The following PRKAR2B variants were observed in gnomAD, a reference collection of about 807,000 sequenced individuals.
The protein encoded by PRKAR2B is protein kinase cAMP-dependent type II regulatory subunit beta, also known as cAMP-dependent protein kinase type II-beta regulatory subunit.
Under a neutral mutation model 49.9 loss-of-function variants are expected in PRKAR2B, and 14 were observed. The ratio of observed to expected loss-of-function variants is 0.28; its 90% CI spans 0.19 to 0.44. The LOEUF (loss-of-function observed/expected upper bound fraction) is 0.44, where lower values mean the gene tolerates loss of function less well. Among genes scored for constraint, PRKAR2B ranks in the 20% least tolerant of loss-of-function variants. The pLI, the probability that PRKAR2B is intolerant of heterozygous loss-of-function variation, is 1.00. For missense variants in PRKAR2B, 393 were observed against 537.9 expected (o/e 0.73, Z 2.67); for synonymous variants, 196 against 197.7 (o/e 0.99, Z 0.07).
chr7:107,082,659 A>G (rs1794534716), intron 2 of PRKAR2B, among the ~76,000 whole-genome samples: 1 of 152,078 alleles, frequency 6.6e-6, no homozygotes, highest in South Asian at 2.1e-4. Flanking sequence ...GCAGCGGTGC[A>G]GTTGGCTCAC....
chr7:107,138,228 A>G (rs1795732954), intron 4 of PRKAR2B, among the ~76,000 whole-genome samples: 1 of 152,194 alleles, frequency 6.6e-6, no homozygotes, highest in Non-Finnish European at 1.5e-5. Context: ...ACCCTAATAT[A>G]AACTATGGAC....
At chr7:107,048,654 G>A (rs1793746424) in intron 1 of PRKAR2B, among the ~76,000 whole-genome samples, 1 of 152,160 alleles carries the variant, frequency 6.6e-6, no homozygotes, top group African/African-American at 2.4e-5. Flanking sequence ...GTCTGGCCAG[G>A]GGTCGGTGAT....
intron 1 of PRKAR2B, among the ~76,000 whole-genome samples, chr7:107,046,983 T>C (rs1366716291): frequency 6.6e-6 from 1 of 152,212 alleles, no homozygotes; most frequent in South Asian, 2.1e-4. Flanking sequence ...TTTCATTTTG[T>C]AGTGAAGAAA....
At chr7:107,088,541 A>G (rs1223946425) in intron 2 of PRKAR2B, among the ~76,000 whole-genome samples, 2 of 152,094 alleles carry the variant, frequency 1.3e-5, no homozygotes, top group Non-Finnish European at 2.9e-5. Flanking sequence ...CAAATATATC[A>G]ATCTATTTTT....
chr7:107,097,892 T>C (rs1203732980), intron 2 of PRKAR2B, among the ~76,000 whole-genome samples: 1 of 152,240 alleles, frequency 6.6e-6, no homozygotes, highest in Non-Finnish European at 1.5e-5. Flanking sequence ...GTTAGTCTGA[T>C]GGGCTTCCCT....
At chr7:107,157,845 G>T (rs257373) in intron 10 of PRKAR2B, among the ~76,000 whole-genome samples, 6 of 152,006 alleles carry the variant, frequency 3.9e-5, no homozygotes, top group Non-Finnish European at 8.8e-5. Context: ...TCAGGTGCAG[G>T]CATCTGTATA....
At chr7:107,055,419 A>G (rs1000891327) in intron 1 of PRKAR2B, among the ~76,000 whole-genome samples, 16 of 152,252 alleles carry the variant, frequency 1.1e-4, no homozygotes, top group African/African-American at 3.6e-4. Flanking sequence ...ACTAGCTTAC[A>G]GTCCCACCAA....
intron 10 of PRKAR2B, 110 bp from the exon 11 acceptor site, chr7:107,159,339 T>G (rs1302532896): frequency 9.1e-7 from 1 of 1,101,610 alleles, no homozygotes; most frequent in African/African-American, 1.6e-5. Context: ...AGTATTTACC[T>G]AAAATATCAT....
chr7:107,141,803 G>A (rs936712702), intron 5 of PRKAR2B, among the ~76,000 whole-genome samples: 3 of 152,096 alleles, frequency 2.0e-5, no homozygotes, highest in Non-Finnish European at 2.9e-5. Flanking sequence ...GTCCACATAA[G>A]TAAGTAGTTT....
intron 1 of PRKAR2B, among the ~76,000 whole-genome samples, chr7:107,057,796 A>G (rs1249963059): frequency 1.3e-5 from 2 of 152,200 alleles, no homozygotes; most frequent in African/African-American, 4.8e-5. Context: ...CCAAAAGGAA[A>G]CAAACAAATA....
At chr7:107,112,663 C>T (rs1298421278) in intron 2 of PRKAR2B, among the ~76,000 whole-genome samples, 1 of 151,684 alleles carries the variant, frequency 6.6e-6, no homozygotes, top group East Asian at 1.9e-4. Context: ...GATGAGTTCC[C>T]CTTTACAAAA....
intron 2 of PRKAR2B, among the ~76,000 whole-genome samples, chr7:107,074,363 C>G (rs543484262): frequency 6.6e-6 from 1 of 152,154 alleles, no homozygotes; most frequent in South Asian, 2.1e-4. Context: ...CTTGGCCTCC[C>G]AAAGTGCTGG....
At chr7:107,058,928 A>G (rs1316505077) in intron 1 of PRKAR2B, among the ~76,000 whole-genome samples, 3 of 152,118 alleles carry the variant, frequency 2.0e-5, no homozygotes, top group Admixed American at 1.3e-4. Flanking sequence ...AATGAGGAAC[A>G]CTCATATAAG....
In PRKAR2B at chr7:107,160,516, T is replaced by A. The variant is rs1002762244; in HGVS notation, c.*934T>A. On this transcript the variant is annotated 3_prime_UTR_variant, in exon 11 of 11. Transcript: ENST00000265717. ...TATCAGCATGCCCACAGTTTATTTC[T>A]TTGTTCTTCACTAGGCCTGCATAAT... The A allele has an allele frequency of 6.6e-6, 1 of 152,230 alleles. No homozygotes were observed. 9.4% of individuals were successfully genotyped at this position (152,230 alleles called of 1,614,324 possible).
intron 1 of PRKAR2B, among the ~76,000 whole-genome samples, chr7:107,064,339 C>T (rs531074842): frequency 3.9e-5 from 6 of 152,024 alleles, no homozygotes; most frequent in South Asian, 2.1e-4. Context: ...TTGAGGAATT[C>T]GGTTAGTAAA....
chr7:107,108,145 A>G (rs546146614), intron 2 of PRKAR2B, among the ~76,000 whole-genome samples: 3 of 152,290 alleles, frequency 2.0e-5, no homozygotes, highest in Admixed American at 6.5e-5. Context: ...AACCCAGAGC[A>G]TCCAGGAGTT....
At chr7:107,159,058 G>C (rs1340896842) in intron 10 of PRKAR2B, among the ~76,000 whole-genome samples, 2 of 152,210 alleles carry the variant, frequency 1.3e-5, no homozygotes, top group African/African-American at 4.8e-5. Flanking sequence ...TAAACCCTGA[G>C]AAGGGAACAC....
At chr7:107,107,053 T>C (rs1795085396) in intron 2 of PRKAR2B, among the ~76,000 whole-genome samples, 1 of 152,206 alleles carries the variant, frequency 6.6e-6, no homozygotes, top group African/African-American at 2.4e-5. Flanking sequence ...GAACCATTTT[T>C]AGGTTGGGTG....
At chr7:107,104,188 T>A (rs1301918945) in intron 2 of PRKAR2B, among the ~76,000 whole-genome samples, 2 of 152,130 alleles carry the variant, frequency 1.3e-5, no homozygotes, top group Non-Finnish European at 2.9e-5. Context: ...CATGCCACCA[T>A]GCCCGGCAAA....
Sources: gnomAD v4.1 joint callset for allele counts (sites outside exome capture counted in the v4.1 genomes callset) on GRCh38, gnomAD v4.1.1 for gene constraint, MANE v1.5 for transcripts, NCBI Gene and HGNC (gene_info 2026-07-23, HGNC 2026-07-21) for gene names.